PRRC2B: variants seen among roughly 807,000 people sequenced by gnomAD.
PRRC2B encodes the protein protein PRRC2B.
A neutral mutation model predicts 242.3 loss-of-function variants in PRRC2B; 68 were observed. The observed-to-expected ratio is 0.28, with a 90% confidence interval of 0.23 to 0.34. The LOEUF is 0.34. Among genes scored for constraint, PRRC2B ranks in the 10% least tolerant of loss-of-function variants. The probability of loss-of-function intolerance (pLI) is 1.00; values close to 1 mark genes in which losing one functional copy is unlikely to be tolerated. For missense variants in PRRC2B, 2,835 were observed against 2,954.8 expected, an observed-to-expected ratio of 0.96 and a Z score of 0.94; for synonymous variants, 1,228 against 1,173.6, an observed-to-expected ratio of 1.05 and a Z score of -0.95.
chr9:131,460,819 C>A (rs1212585707), intron 11 of PRRC2B, among the ~76,000 whole-genome samples: 1 of 152,120 alleles, frequency 6.6e-6, no homozygotes, highest in Non-Finnish European at 1.5e-5. Flanking sequence ...TGGGTCCGCC[C>A]TTTCTCCATG....
chr9:131,423,871 G>A (rs1350295017), intron 1 of PRRC2B, among the ~76,000 whole-genome samples: 3 of 152,046 alleles, frequency 2.0e-5, no homozygotes. Context: ...AGTTTATATA[G>A]GAAAATAGGA....
intron 1 of PRRC2B, among the ~76,000 whole-genome samples, chr9:131,415,153 C>T (rs1837614041): frequency 6.6e-6 from 1 of 151,966 alleles, no homozygotes; most frequent in South Asian, 2.1e-4. Flanking sequence ...GCCATCACGC[C>T]CAGCTAATTT....
At chr9:131,486,663 T>TG in intron 26 of PRRC2B, 1 of 451,488 alleles carries the variant, frequency 2.2e-6, no homozygotes, top group Non-Finnish European at 2.9e-6. Context: ...TGGGATGGTC[T>TG]AGCCGCCCCT....
At chr9:131,465,159 T>C (rs955885320) in intron 12 of PRRC2B, 81 bp downstream of exon 12, 2 of 1,347,214 alleles carry the variant, frequency 1.5e-6, no homozygotes, top group Non-Finnish European at 2.0e-6. Flanking sequence ...GCCTTCCTTC[T>C]TAGCTAGCAG....
At chr9:131,470,197 CG>C (rs777933586) in intron 13 of PRRC2B, among the ~76,000 whole-genome samples, 15 of 152,278 alleles carry the variant, frequency 9.9e-5, no homozygotes, top group Non-Finnish European at 1.5e-4. Context: ...CAAAGTCACA[CG>C]GGACCCAACC....
chr9:131,473,405 A>G, intron 14 of PRRC2B, 103 bp from the exon 15 acceptor site: 2 of 806,466 alleles, frequency 2.5e-6, no homozygotes, highest in African/African-American at 1.9e-5. Context: ...TATCCACATG[A>G]AAGTCAGGGT....
rs2131498770 is a variant in PRRC2B at position 131,498,466 on chromosome 9, C to A, written c.*2592C>A. ...GGGCTGAGGGCAGGCCTCAGGCCTC[C>A]CAGCGCCCCAACCCCTCCTTGGTCT... On this transcript the variant is annotated 3_prime_UTR_variant, in exon 32 of 32. Transcript: ENST00000683519. 1 of 152,366 alleles carries A rather than the reference C, an allele frequency of 6.6e-6. No individual in the cohort carries two copies. 9.4% of individuals were successfully genotyped at this position (152,366 alleles called of 1,614,324 possible).
chr9:131,431,136 G>C (rs1838154510), intron 2 of PRRC2B, among the ~76,000 whole-genome samples: 1 of 151,574 alleles, frequency 6.6e-6, no homozygotes, highest in African/African-American at 2.4e-5. Context: ...TTTGTTTTTT[G>C]TTTTTCTTTT....
chr9:131,415,195 A>G (rs1837615815), intron 1 of PRRC2B, among the ~76,000 whole-genome samples: 1 of 151,534 alleles, frequency 6.6e-6, no homozygotes, highest in South Asian at 2.1e-4. Flanking sequence ...GGGTTTTACC[A>G]TGTTGGTCAG....
At chr9:131,443,686 C>T (rs995825342) in intron 5 of PRRC2B, among the ~76,000 whole-genome samples, 2 of 152,316 alleles carry the variant, frequency 1.3e-5, no homozygotes, top group Non-Finnish European at 2.9e-5. Context: ...CCACCTTGGC[C>T]TCCCAAAGTG....
rs1469270904 is a variant in PRRC2B, at chr9:131,446,751, C to T, written c.855+109C>T. 20 of 1,293,180 alleles carry T rather than the reference C, an allele frequency of 1.5e-5. No individual in the cohort carries two copies. Among genetic ancestry groups the T allele is most frequent in the Non-Finnish European group, 2.1e-5 (20 of 935,992 alleles). The allele number at this position is 1,293,180 out of a possible 1,614,324, so 80.1% of individuals were successfully genotyped here. On this transcript the variant is annotated intron_variant, in intron 7 of 31. Transcript: ENST00000683519. The surrounding 1 kb of genome is among the most constrained non-coding windows in gnomAD (Gnocchi z 4.1). ...TGGGGTCTCCTCTTGGCCCTGTTAC[C>T]CTACTTCTGAGGCTTCCACTCGTTT...
chr9:131,401,007 G>A lies in PRRC2B; in HGVS notation c.-52+6744G>A, dbSNP rs368208839. Among the ~76,000 whole-genome samples, 6 of 150,456 alleles carry A rather than the reference G, an allele frequency of 4.0e-5. No individual in the cohort carries two copies. In the South Asian group the frequency reaches 8.5e-4, roughly 21 times the overall value. ...ACGGAGTTTTGCTCTTGTTGCCTAG[G>A]CTGGAGAGCAATGGCGCGATCTTGG... On this transcript the variant is annotated intron_variant, in intron 1 of 31. Coordinates refer to ENST00000683519, the MANE Select transcript of PRRC2B (RefSeq NM_013318.4).
At chr9:131,467,371 CCT>C (rs1174168501) in intron 12 of PRRC2B, among the ~76,000 whole-genome samples, 190 bp from the exon 13 acceptor site, 1 of 152,220 alleles carries the variant, frequency 6.6e-6, no homozygotes, top group Non-Finnish European at 1.5e-5. Flanking sequence ...GGTGAAGCCT[CCT>C]CACATGTGTT....
At chr9:131,388,257 T>A (rs1224663527) in intron 1 of PRRC2B, among the ~76,000 whole-genome samples, 2 of 146,956 alleles carry the variant, frequency 1.4e-5, no homozygotes, top group African/African-American at 2.4e-5. Flanking sequence ...TTTTTTTTTT[T>A]TAGATGGAGA....
Position 131,475,349 on chromosome 9 carries a change from T to C in PRRC2B, c.3220T>C (p.Phe1074Leu). The change falls in exon 16 of 32, where the codon TTC becomes CTC. Residue 1074 changes from phenylalanine (F) to leucine (L), a missense_variant. Coordinates refer to ENST00000683519, the MANE Select transcript of PRRC2B (RefSeq NM_013318.4). ...ARGRGRGFRE[F>L]TFRGRPAGGN... ...GGGCCGGGGCCGTGGTTTCAGAGAG[T>C]TCACTTTTCGTGGTCGGCCTGCTGG... The C allele has an allele frequency of 6.3e-7, 1 of 1,587,256 alleles. No individual in the cohort carries two copies. The highest frequency in any genetic ancestry group is 8.6e-7 in the Non-Finnish European group (1 of 1,167,734).
intron 1 of PRRC2B, among the ~76,000 whole-genome samples, chr9:131,420,056 C>G (rs917905445): frequency 2.0e-5 from 3 of 152,104 alleles, no homozygotes; most frequent in African/African-American, 7.2e-5. Flanking sequence ...TTCTTGTGTC[C>G]TCACCATACG....
chr9:131,477,352 G>A lies in PRRC2B; in HGVS notation c.4407-392G>A, dbSNP rs116720149. ...TGGCATCTAATCCAGCTTTCCAGGC[G>A]CCAGAGGCTGACCCTTGGCTTCACC... is the stretch of plus-strand genomic sequence containing the variant. On this transcript the variant is annotated intron_variant, in intron 16 of 31. Transcript: ENST00000683519. Among the ~76,000 whole-genome samples, 456 of 152,348 alleles carry A rather than the reference G, an allele frequency of 3.0e-3. 1 individual carries two copies. Among genetic ancestry groups the A allele is most frequent in the Middle Eastern group, 0.017 (5 of 294 alleles).
chr9:131,430,561 A>ATATG (rs369217813), intron 2 of PRRC2B, among the ~76,000 whole-genome samples: 63 of 118,812 alleles, frequency 5.3e-4, no homozygotes, highest in Non-Finnish European at 9.4e-4. Flanking sequence ...GTGTGTGTGT[A>ATATG]TGTGTGTGTG....
At chr9:131,470,401 C>T (rs1389108779) in intron 13 of PRRC2B, among the ~76,000 whole-genome samples, 2 of 152,096 alleles carry the variant, frequency 1.3e-5, no homozygotes, top group African/African-American at 2.4e-5. Flanking sequence ...GGAAGGGATG[C>T]TGGTGTATTA....
Sources: gnomAD v4.1 joint callset for allele counts (sites outside exome capture counted in the v4.1 genomes callset) on GRCh38, gnomAD v4.1.1 for gene constraint, Gnocchi (gnomAD v3.1) non-coding constraint, MANE v1.5 for transcripts, NCBI Gene and HGNC (gene_info 2026-07-23, HGNC 2026-07-21) for gene names.